The following ABCC3 variants were observed in gnomAD, a reference collection of about 807,000 sequenced individuals.
The protein encoded by ABCC3 is ATP-binding cassette sub-family C member 3.
In ABCC3, 121 loss-of-function variants were observed where a neutral mutation model predicts 165.3. That is an observed-to-expected ratio of 0.73 (90% CI 0.63 to 0.85). The LOEUF is 0.85. Ranked by LOEUF, ABCC3 falls within the 40% of genes least tolerant of loss-of-function variation. The pLI is 0.00. For synonymous variants in ABCC3, 733 were observed against 810.1 expected (o/e 0.90, Z 1.62); for missense variants, 1,869 against 1,964.1 (o/e 0.95, Z 0.92).
rs200648160 is a variant in ABCC3 at position 50,665,224 on chromosome 17, C to T, written c.1410C>T (p.Ala470=). ...TGATTCCACTCAACGGAGCTGTGGC[C>T]GTGAAGATGCGCGCCTTCCAGGTAG... The part of the protein sequence containing the change: ...VLLIPLNGAV[A]VKMRAFQVKQ... The change falls in exon 11 of 31, where the codon GCC becomes GCT. Residue 470 remains alanine, a synonymous_variant. Transcript: ENST00000285238. 97 of 1,614,144 alleles carry T rather than the reference C, an allele frequency of 6.0e-5. No individual in the cohort carries two copies. The highest frequency in any genetic ancestry group is 3.1e-4 in the African/African-American group (23 of 75,046).
chr17:50,635,038 C>T, intron 1 of ABCC3, 57 bp downstream of exon 1: 2 of 1,246,888 alleles, frequency 1.6e-6, no homozygotes, highest in Non-Finnish European at 2.0e-6. Context: ...CGGCTTCGCC[C>T]GGTCCCCGCC....
At chr17:50,648,880 C>T (rs1001016122) in intron 1 of ABCC3, among the ~76,000 whole-genome samples, 2 of 152,048 alleles carry the variant, frequency 1.3e-5, no homozygotes, top group African/African-American at 2.4e-5. Context: ...TTTGGGAGGC[C>T]GAGGCAGGCG....
rs115281391 is a variant in ABCC3, at chr17:50,678,280, C to T, written c.3705+61C>T. 9,217 of 1,490,214 alleles carry T rather than the reference C, an allele frequency of 6.2e-3. 510 individuals carry two copies. The African/African-American group carries it at 0.11, about 19-fold the overall frequency. The allele number at this position is 1,490,214 out of a possible 1,614,324, so 92.3% of individuals were successfully genotyped here. On this transcript the variant is annotated intron_variant, in intron 25 of 30. Coordinates refer to ENST00000285238, the MANE Select transcript of ABCC3 (RefSeq NM_003786.4). ...CTGGGACAGAAACCACACAGGTGTT[C>T]CAGGCATCTCCCGAGTGCCCCTCCC... is the stretch of plus-strand genomic sequence containing the variant.
chr17:50,675,498 G>A (rs1967780810), intron 20 of ABCC3, 22 bp downstream of exon 20: 2 of 1,607,650 alleles, frequency 1.2e-6, no homozygotes, highest in Admixed American at 3.4e-5. Context: ...AGAGCTCCCA[G>A]CCCTCCCGGA....
In ABCC3 at chr17:50,661,485, C is replaced by T. The variant is rs115799120; in HGVS notation, c.998+371C>T. Among the ~76,000 whole-genome samples, 855 of 152,334 alleles carry T rather than the reference C, an allele frequency of 5.6e-3. 7 individuals carry two copies. The highest frequency in any genetic ancestry group is 0.02 in the African/African-American group (837 of 41,578). On this transcript the variant is annotated intron_variant, in intron 8 of 30. Transcript: ENST00000285238. The stretch of plus-strand genomic sequence containing the variant: ...GCACACAGCAAAGAAGGAATCAGGT[C>T]TGAGTCCAGGACTCTGAGCTCCGAC...
Position 50,656,782 on chromosome 17 carries a change from T to C in ABCC3, c.303T>C (p.Pro101=), listed in dbSNP as rs770816142. The C allele has an allele frequency of 5.0e-6, 8 of 1,613,848 alleles. No homozygotes were observed. The highest frequency in any genetic ancestry group is 6.8e-6 in the Non-Finnish European group (8 of 1,179,906). The stretch of plus-strand genomic sequence containing the variant: ...ATGGCCTGGTCCATGGCCGGGCCCC[T>C]GCCCCTGTTTTCTTTGTCACCCCCT... ...SFHGLVHGRA[P]APVFFVTPLV... is the part of the protein sequence containing the mutation. The change falls in exon 3 of 31, where the codon CCT becomes CCC. Residue 101 remains proline (P), a synonymous_variant. Coordinates refer to ENST00000285238, the MANE Select transcript of ABCC3 (RefSeq NM_003786.4).
intron 25 of ABCC3, 134 bp downstream of exon 25, chr17:50,678,353 G>GAA (rs149215649): frequency 8.3e-4 from 522 of 631,552 alleles, no homozygotes; most frequent in South Asian, 1.6e-3. Context: ...AGGACTGTGA[G>GAA]AAAAAAAAAA....
chr17:50,676,426 C>T lies in ABCC3; in HGVS notation c.3216C>T (p.Phe1072=), dbSNP rs759560575. The T allele has an allele frequency of 1.1e-5, 18 of 1,614,124 alleles. No homozygotes were observed. The African/African-American group carries it at 2.0e-4, about 18-fold the overall frequency. ...CATCAGGCCGCATCCTGAACTGCTT[C>T]TCCAAGGACATCTATGTCGTTGATG... ...TTPSGRILNC[F]SKDIYVVDEV... is the part of the protein sequence containing the mutation. Residue 1072 remains phenylalanine, a synonymous_variant, in exon 23 of 31, where the codon TTC becomes TTT. Transcript: ENST00000285238.
At position 50,689,226 on chromosome 17, in the gene ABCC3, G is replaced by C. The variant is rs190054271; in HGVS notation, c.4475+1496G>C. 1.3e-3 allele frequency among the ~76,000 whole-genome samples: 201 copies of C among 152,344 alleles called. 1 individual carries two copies. Among genetic ancestry groups the C allele is most frequent in the Non-Finnish European group, 2.4e-4 (16 of 68,030 alleles). ...TCAATGAAAGATATTTAAACTGCAG[G>C]TGATCCTGGGAAATGACAGTGTCCT... On this transcript the variant is annotated intron_variant, in intron 30 of 30. Coordinates refer to ENST00000285238, the MANE Select transcript of ABCC3 (RefSeq NM_003786.4).
At chr17:50,635,429 T>C in intron 1 of ABCC3, 1 of 700,852 alleles carries the variant, frequency 1.4e-6, no homozygotes. Context: ...CCCCAGGGCA[T>C]CCAGAGCACC....
chr17:50,659,418 T>A (rs1967330759), intron 7 of ABCC3, 50 bp downstream of exon 7: 2 of 1,568,098 alleles, frequency 1.3e-6, no homozygotes, highest in Non-Finnish European at 1.7e-6. Flanking sequence ...TTACCCCAGA[T>A]CTCCTGCAGA....
At chr17:50,638,288 A>AC (rs1263925164) in intron 1 of ABCC3, among the ~76,000 whole-genome samples, 1 of 151,664 alleles carries the variant, frequency 6.6e-6, no homozygotes, top group Non-Finnish European at 1.5e-5. Flanking sequence ...GGAGGTATTT[A>AC]CCCCCCGCCA....
Position 50,664,102 on chromosome 17 carries a change from C to T in ABCC3, c.1329C>T (p.Phe443=), listed in dbSNP as rs1269499144. The change falls in exon 10 of 31, where the codon TTC becomes TTT. Residue 443 remains phenylalanine (F), a synonymous_variant. Transcript: ENST00000285238. ...APLQIILAIY[F]LWQNLGPSVL... ...TGCAGATCATCCTGGCGATCTACTT[C>T]CTCTGGCAGGTGACTCTCCAACCCT... is the stretch of plus-strand genomic sequence containing the variant. 5 of 1,614,078 alleles carry T rather than the reference C, an allele frequency of 3.1e-6. No individual in the cohort carries two copies. Among genetic ancestry groups the T allele is most frequent in the African/African-American group, 2.7e-5 (2 of 74,940 alleles).
intron 1 of ABCC3, among the ~76,000 whole-genome samples, chr17:50,636,686 G>T (rs1267598408): frequency 6.6e-6 from 1 of 152,238 alleles, no homozygotes; most frequent in African/African-American, 2.4e-5. Context: ...AGGGCTCATT[G>T]TTCCTGGGTA....
intron 6 of ABCC3, 169 bp downstream of exon 6, chr17:50,658,665 C>A (rs1967311669): frequency 2.7e-6 from 2 of 749,122 alleles, no homozygotes; most frequent in Non-Finnish European, 4.5e-6. Flanking sequence ...GGGAGGGGGA[C>A]CAAATGCAGA....
chr17:50,667,301 G>A (rs967056061), intron 11 of ABCC3, among the ~76,000 whole-genome samples: 1 of 152,102 alleles, frequency 6.6e-6, no homozygotes, highest in African/African-American at 2.4e-5. Flanking sequence ...GGGGACAGAG[G>A]ATGCTGCCTG....
rs754055850 is a variant in ABCC3, at chr17:50,678,180, C to T, written c.3666C>T (p.Asn1222=). 53 of 1,541,382 alleles carry T rather than the reference C, an allele frequency of 3.4e-5. No homozygotes were observed. The East Asian group carries it at 7.7e-4, about 22-fold the overall frequency. ...CCGTCATCGGGAGGAGCAGCCTGAA[C>T]CCGGGGCTGGTGGGCCTTTCTGTGT... ...LFAVIGRSSL[N]PGLVGLSVSY... The change falls in exon 25 of 31, where the codon AAC becomes AAT. Residue 1222 remains asparagine (N), a synonymous_variant. Transcript: ENST00000285238.
chr17:50,643,864 C>T (rs1000192556), intron 1 of ABCC3, among the ~76,000 whole-genome samples: 3 of 151,816 alleles, frequency 2.0e-5, no homozygotes, highest in Non-Finnish European at 4.4e-5. Context: ...GTCTTGAGGA[C>T]CAGGTTGGGT....
chr17:50,672,667 C>T (rs1369711301), intron 17 of ABCC3, among the ~76,000 whole-genome samples: 1 of 152,108 alleles, frequency 6.6e-6, no homozygotes, highest in African/African-American at 2.4e-5. Flanking sequence ...GAGTTGGAGA[C>T]CAGGCTGGGC....
Sources: gnomAD v4.1 joint callset for allele counts (sites outside exome capture counted in the v4.1 genomes callset) on GRCh38, gnomAD v4.1.1 for gene constraint, MANE v1.5 for transcripts, NCBI Gene and HGNC (gene_info 2026-07-23, HGNC 2026-07-21) for gene names.